The following METAP2 variants were observed in gnomAD, a reference collection of about 807,000 sequenced individuals.
The protein encoded by METAP2 is methionyl aminopeptidase 2, also known as methionine aminopeptidase 2.
METAP2 carries 25 observed loss-of-function variants against 59.4 expected under a neutral mutation model. The observed-to-expected ratio is 0.42, with a 90% CI of 0.31 to 0.59. The LOEUF is 0.59. Among genes scored for constraint, METAP2 ranks in the 20% least tolerant of loss-of-function variants. The pLI is 0.16. For synonymous variants in METAP2, 214 were observed against 194.1 expected, an observed-to-expected ratio of 1.10 and a Z score of -0.85; for missense variants, 366 against 581.2, an observed-to-expected ratio of 0.63 and a Z score of 3.81.
intron 3 of METAP2, 63 bp downstream of exon 3, chr12:95,483,343 G>A (rs1006631811): frequency 7.7e-7 from 1 of 1,291,808 alleles, no homozygotes; most frequent in East Asian, 2.5e-5. Flanking sequence ...GGGTGTGGTG[G>A]CTCACACCTG....
intron 2 of METAP2, among the ~76,000 whole-genome samples, chr12:95,476,628 T>C (rs2076121976): frequency 6.6e-6 from 1 of 152,176 alleles, no homozygotes; most frequent in Admixed American, 6.5e-5. Flanking sequence ...TCAATTAATG[T>C]CACAGATTAA....
chr12:95,477,305 G>A (rs112948426), intron 2 of METAP2, among the ~76,000 whole-genome samples: 1 of 151,930 alleles, frequency 6.6e-6, no homozygotes, highest in South Asian at 2.1e-4. Context: ...TTGCCAGGTT[G>A]GTCTTGAACT....
At chr12:95,507,940 A>ATT (rs372529582) in intron 8 of METAP2, among the ~76,000 whole-genome samples, 8 of 130,220 alleles carry the variant, frequency 6.1e-5, no homozygotes, top group African/African-American at 8.9e-5. Flanking sequence ...ACGCCCAGCA[A>ATT]TTTTTTTTTT....
chr12:95,513,090 T>TACACACACACACACACACACACACAC lies in METAP2; in HGVS notation c.1184+192_1184+217dup, dbSNP rs60788079. 2.2e-5 allele frequency among the ~76,000 whole-genome samples: 3 copies of TACACACACACACACACACACACACAC among 136,092 alleles called. No homozygotes were observed. In the Admixed American group the frequency reaches 2.3e-4, roughly 10 times the overall value. 89.3% of individuals were successfully genotyped at this position (136,092 alleles called of 152,430 possible). A position where few individuals can be genotyped will look rare whatever the true frequency, so the allele number is the denominator to read the frequency against. The stretch of plus-strand genomic sequence containing the variant: ...TAAACATTTTAACTGAGATAAAAAT[T>TACACACACACACACACACACACACAC]ACACACACACACACACACACACACA... On this transcript the variant is annotated intron_variant, in intron 10 of 10. Transcript: ENST00000323666.
intron 9 of METAP2, among the ~76,000 whole-genome samples, chr12:95,512,456 C>A (rs117844578): frequency 6.6e-6 from 1 of 152,122 alleles, no homozygotes; most frequent in African/African-American, 2.4e-5. Context: ...CCTGTTAATC[C>A]CAGCACTTTG....
At chr12:95,491,983 C>A (rs1240119174) in intron 4 of METAP2, among the ~76,000 whole-genome samples, 1 of 151,400 alleles carries the variant, frequency 6.6e-6, no homozygotes, top group Non-Finnish European at 1.5e-5. Flanking sequence ...GTTGTTTTTT[C>A]TTTTTGTAGA....
intron 7 of METAP2, 104 bp from the exon 8 acceptor site, chr12:95,503,960 CA>C (rs2076336259): frequency 9.2e-6 from 7 of 764,510 alleles, no homozygotes; most frequent in Non-Finnish European, 1.5e-5. Context: ...TTACAATGTA[CA>C]AAGCAGTTTT....
intron 8 of METAP2, among the ~76,000 whole-genome samples, chr12:95,507,107 G>A (rs10777696): frequency 0.23 from 35,609 of 152,102 alleles, 4,814 homozygotes; most frequent in East Asian, 0.48. Flanking sequence ...GGTAGGAGGT[G>A]TGGGATAATG....
At chr12:95,512,778 C>T (rs200513664) in intron 9 of METAP2, 23 bp from the exon 10 acceptor site, 22 of 1,343,236 alleles carry the variant, frequency 1.6e-5, no homozygotes, top group Non-Finnish European at 2.3e-5. Flanking sequence ...TTTCTCTCCC[C>T]TTGACCCTTA....
chr12:95,483,818 G>A (rs140898630), intron 3 of METAP2, among the ~76,000 whole-genome samples: 1 of 152,240 alleles, frequency 6.6e-6, no homozygotes, highest in East Asian at 1.9e-4. Context: ...TAGGGTAAGC[G>A]TTGTTTGTAA....
chr12:95,496,095 A>C lies in METAP2; in HGVS notation c.864A>C (p.Ile288=). 6.4e-7 allele frequency: 1 copy of C among 1,561,054 alleles called. No individual in the cohort carries two copies. Among genetic ancestry groups the C allele is most frequent in the Non-Finnish European group, 8.8e-7 (1 of 1,138,288 alleles). The stretch of plus-strand genomic sequence containing the variant: ...TAAAAGATGCTACTAACACTGGAAT[A>C]AAGGTATGTGAACTGTAAGCACCAT... ...KAVKDATNTG[I]KCAGIDVRLC... The change falls in exon 7 of 11, where the codon ATA becomes ATC. Residue 288 remains isoleucine, a synonymous_variant. Coordinates refer to ENST00000323666, the MANE Select transcript of METAP2 (RefSeq NM_006838.4).
At chr12:95,504,831 T>G (rs2076345960) in intron 8 of METAP2, among the ~76,000 whole-genome samples, 1 of 152,200 alleles carries the variant, frequency 6.6e-6, no homozygotes, top group Non-Finnish European at 1.5e-5. Flanking sequence ...ACATTCAGAA[T>G]TTGGAGGCCA....
At chr12:95,478,146 C>G (rs1324056667) in intron 2 of METAP2, among the ~76,000 whole-genome samples, 1 of 151,576 alleles carries the variant, frequency 6.6e-6, no homozygotes, top group Non-Finnish European at 1.5e-5. Context: ...AATCACAGTG[C>G]TAATCTTGAA....
intron 4 of METAP2, among the ~76,000 whole-genome samples, chr12:95,492,526 C>T (rs763710611): frequency 1.1e-4 from 16 of 150,694 alleles, no homozygotes; most frequent in East Asian, 1.9e-4. Flanking sequence ...TTCTTTAATT[C>T]TGTTTCTTTT....
intron 2 of METAP2, 134 bp from the exon 3 acceptor site, chr12:95,483,081 T>C (rs112346873): frequency 9.4e-6 from 7 of 748,282 alleles, no homozygotes; most frequent in African/African-American, 8.8e-5. Context: ...AGTGAAAGAA[T>C]AAATGTAAAC....
At chr12:95,488,937 A>G (rs1328215575) in intron 4 of METAP2, among the ~76,000 whole-genome samples, 1 of 152,138 alleles carries the variant, frequency 6.6e-6, no homozygotes, top group East Asian at 1.9e-4. Flanking sequence ...AATTGCATTT[A>G]TATTTATGTA....
chr12:95,506,319 C>T (rs536428649), intron 8 of METAP2, among the ~76,000 whole-genome samples: 43 of 119,232 alleles, frequency 3.6e-4, no homozygotes, highest in African/African-American at 1.3e-3. Context: ...TTTTTTGAGA[C>T]GCAATCTCAC....
intron 8 of METAP2, 104 bp from the exon 9 acceptor site, chr12:95,511,791 C>A: frequency 1.0e-5 from 7 of 689,124 alleles, no homozygotes; most frequent in Non-Finnish European, 4.9e-6. Flanking sequence ...TAAAGCCATA[C>A]CTGGTTTTTG....
At chr12:95,494,851 A>T (rs981947548) in intron 5 of METAP2, 106 bp from the exon 6 acceptor site, 1 of 792,154 alleles carries the variant, frequency 1.3e-6, no homozygotes. Context: ...CCCAGAAGGT[A>T]TTTAAGGTTT....
Sources: gnomAD v4.1 joint callset for allele counts (sites outside exome capture counted in the v4.1 genomes callset) on GRCh38, gnomAD v4.1.1 for gene constraint, MANE v1.5 for transcripts, NCBI Gene and HGNC (gene_info 2026-07-23, HGNC 2026-07-21) for gene names.